The following CTNNA3 variants were observed in gnomAD, a reference collection of about 807,000 sequenced individuals.
CTNNA3 encodes the protein catenin alpha 3.
In CTNNA3, 76 loss-of-function variants were observed where a neutral mutation model predicts 95.7. The observed-to-expected ratio is 0.79, with a 90% confidence interval of 0.66 to 0.96. The LOEUF is 0.96. CTNNA3 is among the 40% of genes least tolerant of loss of function. The pLI is 0.00. For synonymous variants in CTNNA3, 431 were observed against 374.4 expected (o/e 1.15, Z -1.74); for missense variants, 1,191 against 1,089.8 (o/e 1.09, Z -1.31).
intron 7 of CTNNA3, among the ~76,000 whole-genome samples, chr10:66,835,791 A>G (rs1006043260): frequency 6.6e-6 from 1 of 152,194 alleles, no homozygotes; most frequent in African/African-American, 2.4e-5. Flanking sequence ...TTCTTAGAGC[A>G]GTGATTATCA....
chr10:65,969,321 T>C (rs1203001144), intron 16 of CTNNA3, among the ~76,000 whole-genome samples: 3 of 152,212 alleles, frequency 2.0e-5, no homozygotes, highest in Non-Finnish European at 4.4e-5. Context: ...GAAGTATCAA[T>C]GCTTCAAGAT....
At chr10:67,489,538 C>T (rs1391326868) in intron 5 of CTNNA3, among the ~76,000 whole-genome samples, 2 of 152,056 alleles carry the variant, frequency 1.3e-5, no homozygotes, top group African/African-American at 4.8e-5. Flanking sequence ...AGAAAAGCAC[C>T]TTGGCCCACC....
At position 66,178,144 on chromosome 10, in the gene CTNNA3, G is replaced by T. The variant is rs372366401; in HGVS notation, c.1885-74895C>A. ...TTCAACTTTTCCAGTTATGCATGAA[G>T]ACATCATACTTGAAAAACTAAATAT... On this transcript the variant is annotated intron_variant, in intron 13 of 17. Coordinates refer to ENST00000433211, the MANE Select transcript of CTNNA3 (RefSeq NM_013266.4). Among the ~76,000 whole-genome samples the T allele has an allele frequency of 7.3e-5, 11 of 151,130 alleles. No individual in the cohort carries two copies. In the East Asian group the frequency reaches 9.7e-4, roughly 13 times the overall value.
intron 13 of CTNNA3, among the ~76,000 whole-genome samples, chr10:66,165,167 A>G (rs956844783): frequency 1.3e-5 from 2 of 152,238 alleles, no homozygotes; most frequent in Non-Finnish European, 2.9e-5. Flanking sequence ...AGGCAGGAAC[A>G]GAAAACCAAA....
At chr10:67,160,433 CTTTT>C (rs71006132) in intron 7 of CTNNA3, among the ~76,000 whole-genome samples, 4 of 92,776 alleles carry the variant, frequency 4.3e-5, no homozygotes, top group African/African-American at 9.3e-5. Flanking sequence ...TTCATCACAT[CTTTT>C]TTTTTTTTTT....
intron 13 of CTNNA3, among the ~76,000 whole-genome samples, chr10:66,193,895 T>C (rs969165332): frequency 2.6e-5 from 4 of 152,288 alleles, no homozygotes; most frequent in Middle Eastern, 3.4e-3. Context: ...GGCTAAGTTT[T>C]TAAACTCAAG....
At chr10:66,481,186 T>C (rs1839511583) in intron 11 of CTNNA3, among the ~76,000 whole-genome samples, 1 of 152,146 alleles carries the variant, frequency 6.6e-6, no homozygotes, top group Non-Finnish European at 1.5e-5. Flanking sequence ...AGAGCAATTT[T>C]CACTACAAAT....
chr10:66,432,565 G>T (rs1225314914), intron 11 of CTNNA3, among the ~76,000 whole-genome samples: 1 of 151,454 alleles, frequency 6.6e-6, no homozygotes, highest in Non-Finnish European at 1.5e-5. Context: ...GGAGGCTGAG[G>T]AAGGAGAATG....
intron 5 of CTNNA3, among the ~76,000 whole-genome samples, chr10:67,381,056 C>T (rs546103269): frequency 6.6e-6 from 1 of 152,236 alleles, no homozygotes; most frequent in South Asian, 2.1e-4. Flanking sequence ...TCTCCTTGAA[C>T]CAAGAGCTCA....
At chr10:67,312,914 G>T (rs914696062) in intron 5 of CTNNA3, among the ~76,000 whole-genome samples, 1 of 152,142 alleles carries the variant, frequency 6.6e-6, no homozygotes, top group Non-Finnish European at 1.5e-5. Flanking sequence ...TAATTTGTTA[G>T]AAATTAAAGT....
chr10:65,991,412 A>G (rs1383825020), intron 15 of CTNNA3, among the ~76,000 whole-genome samples: 2 of 151,550 alleles, frequency 1.3e-5, no homozygotes, highest in Admixed American at 6.6e-5. Context: ...TATATTTTTT[A>G]TTTTTTGTGT....
intron 7 of CTNNA3, among the ~76,000 whole-genome samples, chr10:66,896,195 C>T (rs899020305): frequency 6.6e-6 from 1 of 152,094 alleles, no homozygotes; most frequent in Non-Finnish European, 1.5e-5. Context: ...TTCTAAAATT[C>T]AAAGGTAAAT....
intron 9 of CTNNA3, among the ~76,000 whole-genome samples, chr10:66,646,748 G>C (rs1393683313): frequency 6.6e-6 from 1 of 152,030 alleles, no homozygotes; most frequent in Admixed American, 6.5e-5. Flanking sequence ...CAGCATCCTT[G>C]GCAAGTCTTG....
intron 7 of CTNNA3, among the ~76,000 whole-genome samples, chr10:66,887,192 C>G (rs1332441525): frequency 6.6e-6 from 1 of 152,132 alleles, no homozygotes; most frequent in Admixed American, 6.6e-5. Flanking sequence ...TTTGCTCACT[C>G]TCCATGCAAA....
chr10:66,063,217 TATAG>T (rs1564612477), intron 15 of CTNNA3, among the ~76,000 whole-genome samples: 9 of 138,470 alleles, frequency 6.5e-5, no homozygotes, highest in African/African-American at 1.3e-4. Flanking sequence ...TATATATAGA[TATAG>T]ATATAGATAG....
chr10:66,873,314 G>A (rs890536006), intron 7 of CTNNA3, among the ~76,000 whole-genome samples: 1 of 151,732 alleles, frequency 6.6e-6, no homozygotes, highest in South Asian at 2.1e-4. Flanking sequence ...CACCAACAGT[G>A]TATAAGCATT....
chr10:66,561,855 T>C (rs541977353), intron 10 of CTNNA3, among the ~76,000 whole-genome samples: 21 of 152,170 alleles, frequency 1.4e-4, no homozygotes, highest in Non-Finnish European at 2.6e-4. Context: ...AATTTCACAT[T>C]ATCCTACATG....
chr10:66,702,650 G>A (rs1018383117), intron 9 of CTNNA3, among the ~76,000 whole-genome samples: 4 of 143,252 alleles, frequency 2.8e-5, no homozygotes, highest in Non-Finnish European at 4.5e-5. Context: ...TGGTTGCAGT[G>A]AGCCGAGATC....
chr10:66,274,776 G>C (rs2091355951), intron 13 of CTNNA3, among the ~76,000 whole-genome samples: 1 of 152,198 alleles, frequency 6.6e-6, no homozygotes, highest in African/African-American at 2.4e-5. Flanking sequence ...TCATAAAAGA[G>C]TCTGCTGAGA....
Sources: gnomAD v4.1 joint callset for allele counts (sites outside exome capture counted in the v4.1 genomes callset) on GRCh38, gnomAD v4.1.1 for gene constraint, MANE v1.5 for transcripts, NCBI Gene and HGNC (gene_info 2026-07-23, HGNC 2026-07-21) for gene names.